DOCK9: variants seen among roughly 807,000 people sequenced by gnomAD.
The protein encoded by DOCK9 is dedicator of cytokinesis protein 9.
In DOCK9, 89 loss-of-function variants were observed where a neutral mutation model predicts 263.3. The ratio of observed to expected loss-of-function variants is 0.34; its 90% CI spans 0.28 to 0.40. The LOEUF (loss-of-function observed/expected upper bound fraction) is 0.40. Among genes scored for constraint, DOCK9 ranks in the 10% least tolerant of loss-of-function variants. DOCK9 has a pLI of 1.00. For missense variants in DOCK9, 2,140 were observed against 2,603.4 expected, an observed-to-expected ratio of 0.82 and a Z score of 3.87; for synonymous variants, 976 against 973.1, an observed-to-expected ratio of 1.00 and a Z score of -0.06.
Position 98,794,341 on chromosome 13 carries a change from C to G in DOCK9, c.*285G>C. On this transcript the variant is annotated 3_prime_UTR_variant, in exon 53 of 53. Transcript: ENST00000682017. ...GTAGGCCATCTATTCTAACACTACT[C>G]TGCAAGGAAGAATAAAATCTAAGTC... 1 of 423,808 alleles carries G rather than the reference C, an allele frequency of 2.4e-6. No homozygotes were observed. The highest frequency in any genetic ancestry group is 4.1e-6 in the Non-Finnish European group (1 of 241,166). The allele number at this position is 423,808 out of a possible 1,614,324, so 26.3% of individuals were successfully genotyped here.
In DOCK9 at chr13:98,854,908, C is replaced by A. The variant is rs4772149; in HGVS notation, c.3831+990G>T. 1.4e-4 allele frequency among the ~76,000 whole-genome samples: 22 copies of A among 151,980 alleles called. No homozygotes were observed. The South Asian group carries it at 4.6e-3, about 32-fold the overall frequency. On this transcript the variant is annotated intron_variant, in intron 34 of 52. Transcript: ENST00000682017. ...ACCTGATGCTGAGGAAGGATGTCTTCCGGGTGTTTTTGGAGAACTAGGGAT... is the reference window on the plus strand; with the variant it reads ...ACCTGATGCTGAGGAAGGATGTCTTACGGGTGTTTTTGGAGAACTAGGGAT...
chr13:99,083,729 T>C (rs2042220486), intron 1 of DOCK9, among the ~76,000 whole-genome samples: 1 of 152,138 alleles, frequency 6.6e-6, no homozygotes, highest in Non-Finnish European at 1.5e-5. Flanking sequence ...CAATGAAAAA[T>C]GGATAAGCCC....
At chr13:98,877,929 C>T (rs1427598164) in intron 27 of DOCK9, among the ~76,000 whole-genome samples, 1 of 152,168 alleles carries the variant, frequency 6.6e-6, no homozygotes, top group Non-Finnish European at 1.5e-5. Context: ...AATCCACTGG[C>T]GCCTCGTCAT....
intron 45 of DOCK9, among the ~76,000 whole-genome samples, chr13:98,816,180 A>T (rs938144087): frequency 1.3e-5 from 2 of 152,164 alleles, no homozygotes; most frequent in Non-Finnish European, 2.9e-5. Context: ...TACTCAATAG[A>T]TTTTTACCAA....
chr13:98,944,977 A>G (rs766409561), intron 2 of DOCK9, among the ~76,000 whole-genome samples: 39 of 152,258 alleles, frequency 2.6e-4, no homozygotes, highest in Non-Finnish European at 4.7e-4. Flanking sequence ...GCACAGTCCA[A>G]TGCTGATCTT....
chr13:98,884,001 G>T, intron 21 of DOCK9, 102 bp from the exon 22 acceptor site: 1 of 810,676 alleles, frequency 1.2e-6, no homozygotes, highest in Non-Finnish European at 1.9e-6. Context: ...AGAGGGCCCA[G>T]AGAACTTTAG....
chr13:99,039,678 G>A (rs1399278386), intron 1 of DOCK9, among the ~76,000 whole-genome samples: 1 of 152,200 alleles, frequency 6.6e-6, no homozygotes, highest in African/African-American at 2.4e-5. Flanking sequence ...TTCTACAAGA[G>A]GTGAAGAGGA....
intron 15 of DOCK9, 32 bp from the exon 16 acceptor site, chr13:98,888,743 T>G (rs1260817715): frequency 6.3e-7 from 1 of 1,588,962 alleles, no homozygotes; most frequent in Non-Finnish European, 8.6e-7. Context: ...AATTAAACAT[T>G]CGTAAGTTAA....
chr13:98,901,691 T>TTAA lies in DOCK9; in HGVS notation c.1503+86_1503+87insTTA, dbSNP rs2048300983. ...TTTAGAGTATAAATATGGCTTATGT[T>TTAA]TGATTTCATTAAGGATTTATAGTAT... On this transcript the variant is annotated intron_variant, in intron 13 of 52. Transcript: ENST00000682017. The TTAA allele has an allele frequency of 3.5e-6, 5 of 1,433,058 alleles. No individual in the cohort carries two copies. The Admixed American group carries it at 1.2e-4, about 34-fold the overall frequency. 88.8% of individuals were successfully genotyped at this position (1,433,058 alleles called of 1,614,324 possible). A position where few individuals can be genotyped will look rare whatever the true frequency, so the allele number is the denominator to read the frequency against.
intron 1 of DOCK9, among the ~76,000 whole-genome samples, chr13:99,040,728 G>A (rs1888375586): frequency 6.6e-6 from 1 of 152,112 alleles, no homozygotes; most frequent in Non-Finnish European, 1.5e-5. Context: ...GACAACAGAG[G>A]GTGGAGAAAT....
intron 9 of DOCK9, among the ~76,000 whole-genome samples, chr13:98,909,014 A>G (rs2049568803): frequency 6.6e-6 from 1 of 152,214 alleles, no homozygotes; most frequent in Non-Finnish European, 1.5e-5. Flanking sequence ...ACCTGTGGTC[A>G]GTCTATATTG....
chr13:98,886,491 A>C (rs773922112), intron 19 of DOCK9, 41 bp downstream of exon 19: 1 of 1,582,594 alleles, frequency 6.3e-7, no homozygotes, highest in South Asian at 1.1e-5. Context: ...GTTTCCCTTA[A>C]AACTGGTCAA....
rs572446179 is a variant in DOCK9, at chr13:98,829,681, T to G, written c.4711A>C (p.Ile1571Leu). Residue 1571 changes from isoleucine (I) to leucine (L), a missense_variant, in exon 42 of 53, where the codon ATC (isoleucine) becomes CTC (leucine). This residue lies in a region of DOCK9 where 619 missense variants were observed against 861.8 expected (regional missense o/e 0.72). Transcript: ENST00000682017. This position sits in a 1 kb window ranked among gnomAD's most constrained non-coding sequence, Gnocchi z 4.1. ...TCACTGTTGGCACAGTTGTTGATGA[T>G]GGACAGGGACTGCTGGAATCTGGTT... ...GGTRFQQSLS[I>L]INNCANSDRL... 1.5e-5 allele frequency: 24 copies of G among 1,609,704 alleles called. No homozygotes were observed. Among genetic ancestry groups the G allele is most frequent in the Non-Finnish European group, 2.0e-5 (24 of 1,178,052 alleles).
intron 1 of DOCK9, among the ~76,000 whole-genome samples, chr13:99,038,295 T>TGC (rs1387008734): frequency 1.4e-5 from 1 of 70,242 alleles, no homozygotes; most frequent in African/African-American, 5.2e-5. Context: ...CCCCTTTTTT[T>TGC]TTTTTTTTTT....
chr13:98,880,429 CT>C, intron 26 of DOCK9, 117 bp downstream of exon 26: 1 of 1,366,084 alleles, frequency 7.3e-7, no homozygotes, highest in Non-Finnish European at 1.0e-6. Context: ...AACACTACCC[CT>C]TTTTAGGGAG....
chr13:99,001,072 G>C, intron 1 of DOCK9, among the ~76,000 whole-genome samples: 1 of 152,236 alleles, frequency 6.6e-6, no homozygotes, highest in East Asian at 1.9e-4. Context: ...TTACCTCTCA[G>C]CAAGGAAAGG....
chr13:98,887,141 A>ATTTTTTTTT (rs1335567169), intron 18 of DOCK9, among the ~76,000 whole-genome samples: 9 of 59,624 alleles, frequency 1.5e-4, no homozygotes, highest in Non-Finnish European at 2.4e-4. Context: ...ATATATATAT[A>ATTTTTTTTT]TATTTTTTTT....
At chr13:98,993,346 A>G (rs1880260527) in intron 1 of DOCK9, among the ~76,000 whole-genome samples, 1 of 152,208 alleles carries the variant, frequency 6.6e-6, no homozygotes, top group African/African-American at 2.4e-5. Context: ...ATGTGACATG[A>G]GAAACAATTT....
intron 15 of DOCK9, among the ~76,000 whole-genome samples, chr13:98,889,567 G>C (rs1361736227): frequency 6.6e-6 from 1 of 152,132 alleles, no homozygotes; most frequent in Admixed American, 6.5e-5. Flanking sequence ...GACAAGTGCT[G>C]CTACTGCCTC....
Sources: allele counts gnomAD v4.1 joint callset (sites outside exome capture counted in the v4.1 genomes callset), GRCh38; gene constraint gnomAD v4.1.1; regional missense constraint gnomAD v4.1.1; non-coding constraint Gnocchi (gnomAD v3.1); transcripts MANE v1.5; gene names NCBI Gene and HGNC (gene_info 2026-07-23, HGNC 2026-07-21).